LARP4: variants seen among roughly 807,000 people sequenced by gnomAD.
The protein encoded by LARP4 is la-related protein 4.
Under a neutral mutation model 92.9 loss-of-function variants are expected in LARP4, and 29 were observed. The ratio of observed to expected loss-of-function variants is 0.31; its 90% CI spans 0.23 to 0.43. The LOEUF is 0.43. Among genes scored for constraint, LARP4 ranks in the 20% least tolerant of loss-of-function variants. The pLI is 1.00. For synonymous variants in LARP4, 279 were observed against 284.1 expected, an observed-to-expected ratio of 0.98 and a Z score of 0.18; for missense variants, 732 against 860.0, an observed-to-expected ratio of 0.85 and a Z score of 1.86.
At chr12:50,475,463 T>G in intron 15 of LARP4, 63 bp from the exon 16 acceptor site, 1 of 1,364,878 alleles carries the variant, frequency 7.3e-7, no homozygotes, top group South Asian at 1.4e-5. Flanking sequence ...ACACAATCAT[T>G]TTTATACTTT....
intron 13 of LARP4, among the ~76,000 whole-genome samples, chr12:50,470,547 C>T (rs565975651): frequency 6.6e-6 from 1 of 152,148 alleles, no homozygotes; most frequent in East Asian, 1.9e-4. Context: ...GATTCTCCTG[C>T]CTCAGCCTCC....
At chr12:50,469,326 C>G (rs538177558) in intron 13 of LARP4, among the ~76,000 whole-genome samples, 2 of 152,064 alleles carry the variant, frequency 1.3e-5, no homozygotes, top group African/African-American at 4.8e-5. Flanking sequence ...AAATGTAGGC[C>G]AGGTGCGGTG....
intron 6 of LARP4, among the ~76,000 whole-genome samples, chr12:50,438,146 T>G (rs575234868): frequency 6.6e-6 from 1 of 152,308 alleles, no homozygotes; most frequent in African/African-American, 2.4e-5. Context: ...TAGGCTATTT[T>G]GGGAACTTGA....
At chr12:50,464,098 T>TAAAGA (rs1271900519) in intron 12 of LARP4, among the ~76,000 whole-genome samples, 15 of 152,324 alleles carry the variant, frequency 9.8e-5, no homozygotes, top group African/African-American at 3.4e-4. Context: ...TCAGTTATCT[T>TAAAGA]TATAGCAGTG....
chr12:50,477,321 A>G lies in LARP4; in HGVS notation c.*1457A>G, dbSNP rs1957604123. ...GTGTTGTGTTAATCTGTTTTAAGTC[A>G]TACCATGTTCAGAGTTCTATGTAAG... On this transcript the variant is annotated 3_prime_UTR_variant, in exon 16 of 16. Transcript: ENST00000398473. 6.6e-6 allele frequency: 1 copy of G among 152,562 alleles called. No homozygotes were observed. The highest frequency in any genetic ancestry group is 2.1e-4 in the South Asian group (1 of 4,830). The allele number at this position is 152,562 out of a possible 1,614,324, so 9.5% of individuals were successfully genotyped here.
intron 8 of LARP4, among the ~76,000 whole-genome samples, chr12:50,446,661 T>C (rs2137940350): frequency 6.6e-6 from 1 of 150,834 alleles, no homozygotes; most frequent in East Asian, 2.0e-4. Context: ...ATTCCTGACC[T>C]TGTGATCCGC....
At chr12:50,404,057 T>C (rs947546151) in intron 1 of LARP4, among the ~76,000 whole-genome samples, 1 of 151,946 alleles carries the variant, frequency 6.6e-6, no homozygotes, top group Non-Finnish European at 1.5e-5. Flanking sequence ...TGAAACCCCA[T>C]CTCTACTAAA....
At chr12:50,458,658 A>G (rs1169766492) in intron 10 of LARP4, among the ~76,000 whole-genome samples, 1 of 152,240 alleles carries the variant, frequency 6.6e-6, no homozygotes, top group East Asian at 1.9e-4. Context: ...ATAATGGGCC[A>G]AACATAAATC....
At chr12:50,425,700 C>T (rs1369943144) in intron 1 of LARP4, among the ~76,000 whole-genome samples, 1 of 152,092 alleles carries the variant, frequency 6.6e-6, no homozygotes, top group African/African-American at 2.4e-5. Flanking sequence ...TGAGGTGGAC[C>T]CCAGCTTTGC....
Position 50,473,420 on chromosome 12 carries a change from T to G in LARP4, c.1551T>G (p.Asn517Lys). The G allele has an allele frequency of 1.2e-6, 2 of 1,612,592 alleles. No homozygotes were observed. Among genetic ancestry groups the G allele is most frequent in the African/African-American group, 1.3e-5 (1 of 74,986 alleles). The change falls in exon 14 of 16, where the codon AAT becomes AAG. Residue 517 changes from asparagine (N) to lysine (K), a missense_variant. Physicochemically the swap from Asn to Lys is moderately conservative, Grantham distance 94 (BLOSUM62 0). Around this residue, in one of 7 missense-constraint regions of LARP4, gnomAD observed 8 missense variants for 23.9 expected, o/e 0.33. Transcript: ENST00000398473. ...VVKGVYKEKD[N>K]EELTISCPVP... Reference sequence around the variant, plus strand: ...AAAAATCTTTTTACTTTAAGGATAATGAAGAGTTGACAATTAGTTGCCCAG... The same window carrying G: ...AAAAATCTTTTTACTTTAAGGATAAGGAAGAGTTGACAATTAGTTGCCCAG...
intron 1 of LARP4, among the ~76,000 whole-genome samples, chr12:50,426,070 G>A (rs1389047324): frequency 6.6e-6 from 1 of 152,022 alleles, no homozygotes; most frequent in Non-Finnish European, 1.5e-5. Context: ...GTACCCAATT[G>A]TCTTCCTGAC....
chr12:50,440,681 T>G (rs1024468863), intron 7 of LARP4, 132 bp downstream of exon 7: 2 of 579,152 alleles, frequency 3.5e-6, no homozygotes, highest in Non-Finnish European at 6.1e-6. Context: ...ACCCTTTTGC[T>G]TTTGCTCAAT....
At chr12:50,429,232 A>T in intron 3 of LARP4, 142 bp downstream of exon 3, 2 of 610,022 alleles carry the variant, frequency 3.3e-6, no homozygotes, top group Admixed American at 7.0e-5. Flanking sequence ...ATGTTAGTTG[A>T]TTGTTACATT....
chr12:50,461,403 T>A (rs1247979290), intron 11 of LARP4, 56 bp downstream of exon 11: 1 of 1,434,304 alleles, frequency 7.0e-7, no homozygotes, highest in East Asian at 2.3e-5. Flanking sequence ...TCCTGAATAA[T>A]TGAAGAACAT....
chr12:50,461,398 A>T, intron 11 of LARP4, 51 bp downstream of exon 11: 1 of 1,486,852 alleles, frequency 6.7e-7, no homozygotes, highest in Non-Finnish European at 9.3e-7. Context: ...GATCATCCTG[A>T]ATAATTGAAG....
chr12:50,465,380 A>G (rs59696942), intron 12 of LARP4, among the ~76,000 whole-genome samples: 14,698 of 150,888 alleles, frequency 0.097, 1,543 homozygotes, highest in East Asian at 0.45. Flanking sequence ...TCAAAAAAAA[A>G]AAAAAAAAAG....
In LARP4 at chr12:50,453,679, G is replaced by C; in HGVS notation, c.1017+7G>C. 1 of 1,522,736 alleles carries C rather than the reference G, an allele frequency of 6.6e-7. No individual in the cohort carries two copies. Among genetic ancestry groups the C allele is most frequent in the Non-Finnish European group, 9.1e-7 (1 of 1,104,462 alleles). 94.3% of individuals were successfully genotyped at this position (1,522,736 alleles called of 1,614,324 possible). A position where few individuals can be genotyped will look rare whatever the true frequency, so the allele number is the denominator to read the frequency against. On this transcript the variant is annotated splice_region_variant and intron_variant, in intron 9 of 15. Transcript: ENST00000398473. ...TTACTTTGAAACACCACTGGTAAGTGAGATCCTTACAATAAAATATAATAA... is the reference window on the plus strand; with the variant it reads ...TTACTTTGAAACACCACTGGTAAGTCAGATCCTTACAATAAAATATAATAA...
intron 7 of LARP4, among the ~76,000 whole-genome samples, chr12:50,441,082 A>G (rs896492706): frequency 6.6e-6 from 1 of 151,982 alleles, no homozygotes; most frequent in African/African-American, 2.4e-5. Flanking sequence ...GTGGGGTTTC[A>G]CCATATTGGT....
At chr12:50,467,250 C>T (rs1956262495) in intron 13 of LARP4, 130 bp downstream of exon 13, 4 of 645,320 alleles carry the variant, frequency 6.2e-6, no homozygotes, top group Admixed American at 3.1e-5. Context: ...GAGTTTTCAG[C>T]ATACTTAGAG....
Sources: allele counts gnomAD v4.1 joint callset (sites outside exome capture counted in the v4.1 genomes callset), GRCh38; gene constraint gnomAD v4.1.1; regional missense constraint gnomAD v4.1.1; transcripts MANE v1.5; gene names NCBI Gene and HGNC (gene_info 2026-07-23, HGNC 2026-07-21).